Variants in ATRNL1 observed in about 807,000 individuals in gnomAD.
The protein encoded by ATRNL1 is attractin-like protein 1.
Under a neutral mutation model 182.7 loss-of-function variants are expected in ATRNL1, and 95 were observed. The ratio of observed to expected loss-of-function variants is 0.52; its 90% CI spans 0.44 to 0.62. The LOEUF is 0.62. ATRNL1 is among the 20% of genes least tolerant of loss of function. ATRNL1 has a pLI of 0.00. For synonymous variants in ATRNL1, 576 were observed against 568.3 expected, an observed-to-expected ratio of 1.01 and a Z score of -0.19; for missense variants, 1,471 against 1,679.5, an observed-to-expected ratio of 0.88 and a Z score of 2.17.
Position 115,144,445 on chromosome 10 carries a change from A to C in ATRNL1, c.829+14910A>C, listed in dbSNP as rs572975820. Among the ~76,000 whole-genome samples, 10 of 152,106 alleles carry C rather than the reference A, an allele frequency of 6.6e-5. No homozygotes were observed. In the East Asian group the frequency reaches 1.2e-3, roughly 18 times the overall value. On this transcript the variant is annotated intron_variant, in intron 5 of 28. Coordinates refer to ENST00000355044, the MANE Select transcript of ATRNL1 (RefSeq NM_207303.4). ...AGTGCTGGGATTACAGGCGTGAGCC[A>C]CTGTGCCCGGCCAATTTTTTGTATT... is the stretch of plus-strand genomic sequence containing the variant.
At chr10:115,838,264 GT>G (rs1950724890) in intron 27 of ATRNL1, among the ~76,000 whole-genome samples, 1 of 152,110 alleles carries the variant, frequency 6.6e-6, no homozygotes, top group South Asian at 2.1e-4. Flanking sequence ...AGGCTACTCC[GT>G]CTACAAACTT....
intron 24 of ATRNL1, among the ~76,000 whole-genome samples, chr10:115,488,557 C>T (rs150670164): frequency 0.032 from 4,806 of 152,070 alleles, 245 homozygotes; most frequent in African/African-American, 0.11. Context: ...TCTGTGGGAT[C>T]GGTGGTGATA....
At chr10:115,581,451 T>C (rs1462099131) in intron 26 of ATRNL1, among the ~76,000 whole-genome samples, 1 of 152,060 alleles carries the variant, frequency 6.6e-6, no homozygotes, top group East Asian at 1.9e-4. Flanking sequence ...TGCACTCTCA[T>C]TTGAACTACA....
At chr10:115,729,291 A>G (rs1213142550) in intron 27 of ATRNL1, among the ~76,000 whole-genome samples, 1 of 152,162 alleles carries the variant, frequency 6.6e-6, no homozygotes, top group Non-Finnish European at 1.5e-5. Context: ...TAGAGTTAAA[A>G]AATGTCTAGC....
chr10:115,658,932 G>A (rs1039278868), intron 26 of ATRNL1, among the ~76,000 whole-genome samples: 6 of 152,190 alleles, frequency 3.9e-5, no homozygotes, highest in African/African-American at 1.4e-4. Flanking sequence ...TCTTCATATG[G>A]TGGCAGCAAG....
intron 28 of ATRNL1, among the ~76,000 whole-genome samples, chr10:115,922,936 G>T (rs1953110986): frequency 6.6e-6 from 1 of 152,192 alleles, no homozygotes; most frequent in Non-Finnish European, 1.5e-5. Flanking sequence ...TGAGGTAGTA[G>T]ATGGCTTATT....
chr10:115,479,699 A>T (rs1848678861), intron 24 of ATRNL1, among the ~76,000 whole-genome samples: 1 of 151,386 alleles, frequency 6.6e-6, no homozygotes. Context: ...CATGCCATTG[A>T]GTTCATTTGC....
intron 20 of ATRNL1, among the ~76,000 whole-genome samples, chr10:115,416,986 A>G (rs1054740569): frequency 3.9e-5 from 6 of 152,198 alleles, no homozygotes; most frequent in African/African-American, 1.4e-4. Context: ...TTATCTACTG[A>G]CAAAAGTCAC....
chr10:115,475,420 AGTT>A (rs1187792850), intron 24 of ATRNL1, among the ~76,000 whole-genome samples: 1 of 151,484 alleles, frequency 6.6e-6, no homozygotes, highest in African/African-American at 2.4e-5. Flanking sequence ...ATGATGTTCT[AGTT>A]GTTATCAATG....
chr10:115,876,842 T>C (rs1346666331), intron 28 of ATRNL1, among the ~76,000 whole-genome samples: 2 of 152,224 alleles, frequency 1.3e-5, no homozygotes, highest in Non-Finnish European at 2.9e-5. Context: ...ATCTACCATG[T>C]TTTAATCAGA....
intron 8 of ATRNL1, among the ~76,000 whole-genome samples, chr10:115,209,399 A>G (rs1052657964): frequency 2.1e-5 from 3 of 144,482 alleles, no homozygotes; most frequent in Admixed American, 1.4e-4. Context: ...GGTATCTAGT[A>G]TCCATAAAGC....
chr10:115,760,535 A>G (rs1555073309), intron 27 of ATRNL1, among the ~76,000 whole-genome samples: 1 of 152,180 alleles, frequency 6.6e-6, no homozygotes, highest in East Asian at 1.9e-4. Flanking sequence ...ATTTCCTATT[A>G]TCCTATTACC....
intron 20 of ATRNL1, among the ~76,000 whole-genome samples, chr10:115,403,890 T>C (rs1844700371): frequency 6.6e-6 from 1 of 152,244 alleles, no homozygotes; most frequent in Admixed American, 6.5e-5. Context: ...GAGGAACTCT[T>C]ATGCTTGCTT....
At chr10:115,319,330 G>A (rs1275225883) in intron 18 of ATRNL1, among the ~76,000 whole-genome samples, 1 of 152,200 alleles carries the variant, frequency 6.6e-6, no homozygotes, top group Admixed American at 6.5e-5. Flanking sequence ...TTTAGAATAA[G>A]TGCCATGTGG....
At chr10:115,413,345 C>T (rs1313792547) in intron 20 of ATRNL1, among the ~76,000 whole-genome samples, 2 of 151,978 alleles carry the variant, frequency 1.3e-5, no homozygotes, top group Non-Finnish European at 2.9e-5. Flanking sequence ...AAACGTGGAA[C>T]AAATTTATCT....
At chr10:115,245,899 G>T (rs1201674996) in intron 10 of ATRNL1, among the ~76,000 whole-genome samples, 1 of 152,058 alleles carries the variant, frequency 6.6e-6, no homozygotes, top group African/African-American at 2.4e-5. Flanking sequence ...AAAATCCTTA[G>T]AATCATCACA....
intron 26 of ATRNL1, among the ~76,000 whole-genome samples, chr10:115,553,269 G>A (rs1000957344): frequency 2.2e-4 from 33 of 151,120 alleles, no homozygotes; most frequent in African/African-American, 8.0e-4. Context: ...AACTTTAACT[G>A]CAAAATCTGT....
At chr10:115,262,371 A>C (rs1375029299) in intron 10 of ATRNL1, among the ~76,000 whole-genome samples, 7 of 152,050 alleles carry the variant, frequency 4.6e-5, no homozygotes, top group Admixed American at 2.0e-4. Context: ...TATCTGGAAA[A>C]TATGATATAT....
intron 28 of ATRNL1, among the ~76,000 whole-genome samples, chr10:115,885,486 T>G (rs113382380): frequency 3.3e-5 from 5 of 152,302 alleles, no homozygotes; most frequent in South Asian, 2.1e-4. Flanking sequence ...AATCCAGTAG[T>G]TTTTTGTCAG....
Sources: gnomAD v4.1 joint callset for allele counts (sites outside exome capture counted in the v4.1 genomes callset) on GRCh38, gnomAD v4.1.1 for gene constraint, MANE v1.5 for transcripts, NCBI Gene and HGNC (gene_info 2026-07-23, HGNC 2026-07-21) for gene names.